ANKRD12: variants seen among roughly 807,000 people sequenced by gnomAD.
ANKRD12 encodes ankyrin repeat domain 12, also known as ankyrin repeat domain-containing protein 12.
ANKRD12 carries 85 observed loss-of-function variants against 183.4 expected under a neutral mutation model. The observed-to-expected ratio is 0.46, with a 90% CI of 0.39 to 0.56. The LOEUF is 0.56. Ranked by LOEUF, ANKRD12 falls within the 20% of genes least tolerant of loss-of-function variation. The probability of loss-of-function intolerance (pLI) is 0.00; values close to 1 mark genes in which losing one functional copy is unlikely to be tolerated. For missense variants in ANKRD12, 2,405 were observed against 2,357.1 expected (o/e 1.02, Z -0.42); for synonymous variants, 914 against 800.2 (o/e 1.14, Z -2.40).
chr18:9,209,598 A>T (rs1332214900), intron 5 of ANKRD12, among the ~76,000 whole-genome samples: 1 of 152,166 alleles, frequency 6.6e-6, no homozygotes, highest in East Asian at 1.9e-4. Context: ...GAGCGTATCT[A>T]ATATCTGTCA....
intron 1 of ANKRD12, among the ~76,000 whole-genome samples, chr18:9,143,386 G>A (rs2078386040): frequency 6.6e-6 from 1 of 152,168 alleles, no homozygotes; most frequent in African/African-American, 2.4e-5. Context: ...ATCCAGTAGT[G>A]GTTATTGAGC....
chr18:9,228,533 T>C (rs1459481340), intron 8 of ANKRD12, among the ~76,000 whole-genome samples: 1 of 152,228 alleles, frequency 6.6e-6, no homozygotes, highest in African/African-American at 2.4e-5. Flanking sequence ...TGAGATGCTA[T>C]CTCATTGTGA....
chr18:9,209,773 T>C (rs1273620686), intron 5 of ANKRD12, among the ~76,000 whole-genome samples: 2 of 152,216 alleles, frequency 1.3e-5, no homozygotes, highest in Non-Finnish European at 2.9e-5. Flanking sequence ...GACTTTGACT[T>C]TAAGTCTGAT....
intron 1 of ANKRD12, among the ~76,000 whole-genome samples, chr18:9,178,321 TTCTC>T (rs1555612825): frequency 1.2e-4 from 8 of 69,024 alleles, no homozygotes; most frequent in Admixed American, 1.4e-4. Context: ...AGGATCAAGA[TTCTC>T]TCTCTCTCTC....
chr18:9,215,727 C>A (rs2036060618), intron 6 of ANKRD12, among the ~76,000 whole-genome samples: 1 of 68,338 alleles, frequency 1.5e-5, no homozygotes, highest in Non-Finnish European at 3.5e-5. Flanking sequence ...CTGGAGAAAA[C>A]TGTGTCCAGA....
chr18:9,199,427 TTAAGAC>T (rs1321981703), intron 3 of ANKRD12, among the ~76,000 whole-genome samples: 10 of 152,220 alleles, frequency 6.6e-5, no homozygotes, highest in Admixed American at 3.3e-4. Flanking sequence ...CATGGAAAGA[TTAAGAC>T]TAAGACTTTT....
chr18:9,239,401 C>A, intron 8 of ANKRD12: 3 of 554,744 alleles, frequency 5.4e-6, no homozygotes, highest in South Asian at 2.0e-5. Flanking sequence ...GTGCAGAACA[C>A]ACCTTCTAGA....
chr18:9,280,365 C>T (rs1316292333), intron 12 of ANKRD12, among the ~76,000 whole-genome samples: 2 of 152,182 alleles, frequency 1.3e-5, no homozygotes, highest in African/African-American at 2.4e-5. Context: ...CGGTGTGGCC[C>T]AGTTCTGAAC....
intron 1 of ANKRD12, among the ~76,000 whole-genome samples, chr18:9,143,716 T>G (rs2078398932): frequency 6.6e-6 from 1 of 152,124 alleles, no homozygotes; most frequent in Non-Finnish European, 1.5e-5. Context: ...CACCTTGGCC[T>G]CCCAAAGTGC....
chr18:9,264,668 A>G (rs958424148), intron 10 of ANKRD12, among the ~76,000 whole-genome samples: 7 of 152,338 alleles, frequency 4.6e-5, no homozygotes, highest in Non-Finnish European at 7.3e-5. Flanking sequence ...AAGAAGCACA[A>G]TACAGAATTT....
chr18:9,153,034 A>G (rs534220808), intron 1 of ANKRD12, among the ~76,000 whole-genome samples: 19 of 152,202 alleles, frequency 1.2e-4, no homozygotes, highest in East Asian at 5.8e-4. Flanking sequence ...GGGTCTCACT[A>G]TGTTGCCCAG....
At chr18:9,258,980 A>C in intron 9 of ANKRD12, 49 bp downstream of exon 9, 1 of 1,518,646 alleles carries the variant, frequency 6.6e-7, no homozygotes, top group Non-Finnish European at 8.8e-7. Flanking sequence ...GCCCAATAGA[A>C]GTATAATGCT....
Position 9,284,394 on chromosome 18 carries a change from G to C in ANKRD12, c.*3268G>C, listed in dbSNP as rs2040178913. 1 of 151,214 alleles carries C rather than the reference G, an allele frequency of 6.6e-6. No individual in the cohort carries two copies. Among genetic ancestry groups the C allele is most frequent in the Non-Finnish European group, 1.5e-5 (1 of 67,540 alleles). 9.4% of individuals were successfully genotyped at this position (151,214 alleles called of 1,614,324 possible). On this transcript the variant is annotated 3_prime_UTR_variant, in exon 13 of 13. Transcript: ENST00000262126. ...ACCTAAATACATAGTTTTCCAAAAA[G>C]AAAATTATTGTCTCTGATATCTTAA... is the stretch of plus-strand genomic sequence containing the variant.
chr18:9,238,731 C>T (rs532588217), intron 8 of ANKRD12, among the ~76,000 whole-genome samples: 1 of 152,310 alleles, frequency 6.6e-6, no homozygotes, highest in South Asian at 2.1e-4. Flanking sequence ...AGTCCATCTT[C>T]CAGCTAAACT....
rs764947333 is a variant in ANKRD12, at chr18:9,221,911, G to T, written c.855G>T (p.Glu285Asp). The T allele has an allele frequency of 6.8e-6, 11 of 1,614,026 alleles. No individual in the cohort carries two copies. The highest frequency in any genetic ancestry group is 9.3e-6 in the Non-Finnish European group (11 of 1,179,928). The change falls in exon 8 of 13, where the codon GAG becomes GAT. Residue 285 changes from glutamate to aspartate, a missense_variant. Transcript: ENST00000262126. ...CATTTCAAGCTAATAAACATGGGGA[G>T]CGTCCAGTGGATGTAGCAGAAACAG... is the stretch of plus-strand genomic sequence containing the variant. ...GNPFQANKHG[E>D]RPVDVAETEE...
chr18:9,280,656 G>T (rs2040069688), intron 12 of ANKRD12, among the ~76,000 whole-genome samples: 1 of 152,120 alleles, frequency 6.6e-6, no homozygotes. Flanking sequence ...GGGCGTGGTG[G>T]CACATGCCTG....
At chr18:9,234,737 AG>A (rs1219256247) in intron 8 of ANKRD12, among the ~76,000 whole-genome samples, 1 of 152,118 alleles carries the variant, frequency 6.6e-6, no homozygotes, top group Non-Finnish European at 1.5e-5. Context: ...AGGCGGGGAA[AG>A]GGGATAGTGA....
chr18:9,275,968 G>A (rs1309100940), intron 11 of ANKRD12, among the ~76,000 whole-genome samples: 2 of 152,152 alleles, frequency 1.3e-5, no homozygotes, highest in Non-Finnish European at 2.9e-5. Context: ...CTTTAGTTCT[G>A]ACCTTCAGGC....
intron 1 of ANKRD12, among the ~76,000 whole-genome samples, chr18:9,171,065 A>T (rs1295138149): frequency 6.6e-6 from 1 of 152,080 alleles, no homozygotes; most frequent in Non-Finnish European, 1.5e-5. Flanking sequence ...TTCCTCTGGA[A>T]GTTTGGTCTC....
Sources: gnomAD v4.1 joint callset for allele counts (sites outside exome capture counted in the v4.1 genomes callset) on GRCh38, gnomAD v4.1.1 for gene constraint, MANE v1.5 for transcripts, NCBI Gene and HGNC (gene_info 2026-07-23, HGNC 2026-07-21) for gene names.